The following SLC12A9 variants were observed in gnomAD, a reference collection of about 807,000 sequenced individuals.
The protein encoded by SLC12A9 is CCC-interacting protein 1.
SLC12A9 carries 55 observed loss-of-function variants against 66.0 expected under a neutral mutation model. The ratio of observed to expected loss-of-function variants is 0.83; its 90% CI spans 0.67 to 1.04. The LOEUF (loss-of-function observed/expected upper bound fraction) is 1.04, where lower values mean the gene tolerates loss of function less well. SLC12A9 is among the 50% of genes least tolerant of loss of function. The probability of loss-of-function intolerance (pLI) is 0.00; values close to 1 mark genes in which losing one functional copy is unlikely to be tolerated. For synonymous variants in SLC12A9, 577 were observed against 569.0 expected (o/e 1.01, Z -0.20); for missense variants, 1,061 against 1,241.9 (o/e 0.85, Z 2.19).
chr7:100,862,267 G>A (rs966833330), intron 12 of SLC12A9, among the ~76,000 whole-genome samples: 8 of 151,366 alleles, frequency 5.3e-5, no homozygotes, highest in African/African-American at 1.5e-4. Flanking sequence ...CCCCTCCCCC[G>A]CTTTTTTTTG....
Position 100,860,024 on chromosome 7 carries a change from G to T in SLC12A9, c.1117G>T (p.Ala373Ser), listed in dbSNP as rs758448528. ...IGASRILHALARDDLFGVILA... is the reference protein window; with the variant it reads ...IGASRILHALSRDDLFGVILA... ...TGCCTCCCGCATCCTCCATGCCCTG[G>T]CCCGGGATGACCTCTTTGGTGGGTT... Residue 373 changes from alanine (A) to serine (S), a missense_variant, in exon 8 of 14, where the codon GCC becomes TCC. Ala to Ser is a moderately conservative substitution (Grantham distance 99). Coordinates refer to ENST00000354161, the MANE Select transcript of SLC12A9 (RefSeq NM_020246.4). 1.2e-6 allele frequency: 2 copies of T among 1,614,010 alleles called. No homozygotes were observed. Among genetic ancestry groups the T allele is most frequent in the Non-Finnish European group, 1.7e-6 (2 of 1,179,932 alleles).
intron 1 of SLC12A9, among the ~76,000 whole-genome samples, chr7:100,842,162 G>GC (rs1452943661): frequency 1.3e-5 from 2 of 150,518 alleles, no homozygotes; most frequent in African/African-American, 2.4e-5. Flanking sequence ...TCAAGAAAGT[G>GC]CCACCCCCTC....
At chr7:100,831,387 T>C (rs1813540374) in intron 1 of SLC12A9, among the ~76,000 whole-genome samples, 4 of 152,266 alleles carry the variant, frequency 2.6e-5, no homozygotes, top group Admixed American at 2.0e-4. Flanking sequence ...GGTTTCTCCA[T>C]GTTGGTCAGG....
At chr7:100,850,177 T>C (rs951570830), upstream of SLC12A9, among the ~76,000 whole-genome samples, 3 of 151,410 alleles carry the variant, frequency 2.0e-5, no homozygotes, top group African/African-American at 4.9e-5. Context: ...CCAGCCTCCT[T>C]CTTTTCCCTC....
At position 100,866,133 on chromosome 7, in the gene SLC12A9, T is replaced by TGCCCGCTTGGCATAGC. The variant is rs1815072802; in HGVS notation, c.2279_2294dup (p.Arg767AlafsTer2). On this transcript the variant is annotated frameshift_variant, in exon 14 of 14. Transcript: ENST00000354161. LOFTEE classifies it high-confidence loss of function. The surrounding 1 kb of genome is among the most constrained non-coding windows in gnomAD (Gnocchi z 7.3). ...CAGATGGCAACCATCTTGGGCATGGTGCCCGCTTGGCATAGCGCCCGGCTC... is the reference window on the plus strand; with the variant it reads ...CAGATGGCAACCATCTTGGGCATGGTGCCCGCTTGGCATAGCGCCCGCTTGGCATAGCGCCCGGCTC... 6.2e-7 allele frequency: 1 copy of TGCCCGCTTGGCATAGC among 1,612,790 alleles called. No homozygotes were observed. The highest frequency in any genetic ancestry group is 8.5e-7 in the Non-Finnish European group (1 of 1,179,834).
chr7:100,828,357 G>A (rs772639216), intron 1 of SLC12A9, among the ~76,000 whole-genome samples: 2 of 151,810 alleles, frequency 1.3e-5, no homozygotes, highest in Non-Finnish European at 2.9e-5. Flanking sequence ...TGGCCAACAT[G>A]ATGAAACCCC....
At chr7:100,865,330 G>T (rs1815004278) in intron 13 of SLC12A9, 1 of 1,535,922 alleles carries the variant, frequency 6.5e-7, no homozygotes, top group East Asian at 2.4e-5. Flanking sequence ...CATGAGCTTG[G>T]CTGATCAGGG....
intron 1 of SLC12A9, chr7:100,837,560 G>C (rs868353531): frequency 6.6e-6 from 1 of 152,248 alleles, no homozygotes; most frequent in Non-Finnish European, 1.5e-5. Flanking sequence ...GCGTGCAGTG[G>C]GGCGGATTCC....
Position 100,854,615 on chromosome 7 carries a change from C to T in SLC12A9, c.182-5C>T. 1 of 1,613,976 alleles carries T rather than the reference C, an allele frequency of 6.2e-7. No individual in the cohort carries two copies. ...CTGTGACCTGATTTGCTGCTCCTGC[C>T]TCAGGGTTCGTGGTGGGTCATGCTG... is the stretch of plus-strand genomic sequence containing the variant. On this transcript the variant is annotated splice_region_variant and splice_polypyrimidine_tract_variant and intron_variant, in intron 2 of 13. Coordinates refer to ENST00000354161, the MANE Select transcript of SLC12A9 (RefSeq NM_020246.4).
At position 100,861,839 on chromosome 7, in the gene SLC12A9, C is replaced by T; in HGVS notation, c.1639C>T (p.Leu547=). The change falls in exon 12 of 14, where the codon CTG becomes TTG. Residue 547 remains leucine, a synonymous_variant. Transcript: ENST00000354161. This position sits in a 1 kb window ranked among gnomAD's most constrained non-coding sequence, Gnocchi z 5.3. ...LVGNPRGALP[L]LRLANQLKKG... is the part of the protein sequence containing the mutation. ...GGGGAACCCCCGGGGCGCCCTGCCT[C>T]TGCTGCGGTTGGCCAACCAGCTTAA... The T allele has an allele frequency of 6.2e-7, 1 of 1,614,116 alleles. No individual in the cohort carries two copies. The highest frequency in any genetic ancestry group is 8.5e-7 in the Non-Finnish European group (1 of 1,180,010).
intron 3 of SLC12A9, 138 bp from the exon 4 acceptor site, chr7:100,855,568 C>T: frequency 9.4e-7 from 1 of 1,059,306 alleles, no homozygotes; most frequent in East Asian, 2.4e-5. Flanking sequence ...AACTGGCACT[C>T]AGAGGATATG....
At chr7:100,849,846 C>T (rs929195473), upstream of SLC12A9, among the ~76,000 whole-genome samples, 16 of 151,746 alleles carry the variant, frequency 1.1e-4, no homozygotes, top group African/African-American at 3.9e-4. Context: ...TCTACTGTGC[C>T]CCTTCTCTCT....
At chr7:100,859,824 C>T in intron 7 of SLC12A9, 61 bp from the exon 8 acceptor site, 1 of 1,540,564 alleles carries the variant, frequency 6.5e-7, no homozygotes, top group Non-Finnish European at 8.8e-7. Flanking sequence ...AAGATCGGGG[C>T]TGGAGATTTT....
chr7:100,862,203 C>T (rs560567894), intron 12 of SLC12A9, among the ~76,000 whole-genome samples: 46 of 152,212 alleles, frequency 3.0e-4, no homozygotes, highest in Non-Finnish European at 2.5e-4. Flanking sequence ...GTGCTCCGCC[C>T]ATCTCGGCCT....
Position 100,866,319 on chromosome 7 carries a change from T to C in SLC12A9, c.2459T>C (p.Phe820Ser). Residue 820 changes from phenylalanine to serine, a missense_variant, in exon 14 of 14, where the codon TTT becomes TCT. Coordinates refer to ENST00000354161, the MANE Select transcript of SLC12A9 (RefSeq NM_020246.4). The surrounding 1 kb of genome is among the most constrained non-coding windows in gnomAD (Gnocchi z 7.3). ...GEPEAEEEGD[F>S]VNSGRGDAEA... ...CCCGAGGCGGAGGAGGAAGGGGACTTTGTGAACAGTGGGCGGGGAGACGCA... is the reference window on the plus strand; with the variant it reads ...CCCGAGGCGGAGGAGGAAGGGGACTCTGTGAACAGTGGGCGGGGAGACGCA... The C allele has an allele frequency of 6.6e-7, 1 of 1,509,850 alleles. No homozygotes were observed. The highest frequency in any genetic ancestry group is 1.3e-5 in the South Asian group (1 of 77,412). 93.5% of individuals were successfully genotyped at this position (1,509,850 alleles called of 1,614,324 possible).
rs1814577437 is a variant in SLC12A9 at position 100,859,040 on chromosome 7, C to A, written c.866-10C>A. 6.2e-7 allele frequency: 1 copy of A among 1,613,036 alleles called. No individual in the cohort carries two copies. Among genetic ancestry groups the A allele is most frequent in the African/African-American group, 1.3e-5 (1 of 75,002 alleles). On this transcript the variant is annotated splice_polypyrimidine_tract_variant and intron_variant, in intron 6 of 13. Transcript: ENST00000354161. ...GGGCTGACCTCACTCCCTCTGCTCC[C>A]CCTCTCCAGGGGAGCTGAAGGACCC...
In SLC12A9 at chr7:100,858,942, G is replaced by T; in HGVS notation, c.865G>T (p.Gly289Trp). Residue 289 changes from glycine to tryptophan, a missense_variant and splice_region_variant, in exon 6 of 14, where the codon GGG becomes TGG. Coordinates refer to ENST00000354161, the MANE Select transcript of SLC12A9 (RefSeq NM_020246.4). ...CATCATGGCTGGGGCCAACATGTCA[G>T]GTGAGAGTCCCTGCCTGCTGCCTCC... ...TGIMAGANMS[G>W]ELKDPSRAIP... 1 of 1,614,074 alleles carries T rather than the reference G, an allele frequency of 6.2e-7. No individual in the cohort carries two copies. The highest frequency in any genetic ancestry group is 8.5e-7 in the Non-Finnish European group (1 of 1,180,006).
chr7:100,865,393 G>A (rs1019820549), intron 13 of SLC12A9: 1 of 1,536,036 alleles, frequency 6.5e-7, no homozygotes, highest in Non-Finnish European at 8.7e-7. Flanking sequence ...TGAAACAGAT[G>A]CCCCGCTAGA....
intron 13 of SLC12A9, among the ~76,000 whole-genome samples, chr7:100,864,540 C>T (rs185979977): frequency 6.6e-6 from 1 of 152,230 alleles, no homozygotes; most frequent in Non-Finnish European, 1.5e-5. Flanking sequence ...GTAAACTCAG[C>T]AATTATCCGA....
Sources: allele counts gnomAD v4.1 joint callset (sites outside exome capture counted in the v4.1 genomes callset), GRCh38; gene constraint gnomAD v4.1.1; non-coding constraint Gnocchi (gnomAD v3.1); transcripts MANE v1.5; gene names NCBI Gene and HGNC (gene_info 2026-07-23, HGNC 2026-07-21).